EML5: variants seen among roughly 807,000 people sequenced by gnomAD.
EML5 encodes the protein echinoderm microtubule-associated protein-like 5.
EML5 carries 120 observed loss-of-function variants against 250.0 expected under a neutral mutation model. The observed-to-expected ratio is 0.48, with a 90% confidence interval of 0.41 to 0.56. EML5 has a LOEUF of 0.56. Ranked by LOEUF, EML5 falls within the 20% of genes least tolerant of loss-of-function variation. EML5 has a pLI of 0.00. For missense variants in EML5, 2,006 were observed against 2,437.6 expected (o/e 0.82, Z 3.73); for synonymous variants, 771 against 806.5 (o/e 0.96, Z 0.75).
intron 1 of EML5, among the ~76,000 whole-genome samples, chr14:88,769,873 A>G (rs2094369236): frequency 6.6e-6 from 1 of 151,906 alleles, no homozygotes; most frequent in African/African-American, 2.4e-5. Flanking sequence ...CTCATAATCT[A>G]TGGTCTATTT....
At chr14:88,790,113 T>C (rs2094590633) in intron 1 of EML5, among the ~76,000 whole-genome samples, 4 of 152,202 alleles carry the variant, frequency 2.6e-5, no homozygotes. Flanking sequence ...TCAATATATT[T>C]CACAAACATG....
intron 10 of EML5, among the ~76,000 whole-genome samples, chr14:88,709,292 C>A (rs1047204793): frequency 1.3e-5 from 2 of 151,836 alleles, no homozygotes. Flanking sequence ...CAAGAAAACA[C>A]ATCATTAAGA....
intron 10 of EML5, 123 bp downstream of exon 10, chr14:88,712,148 C>A: frequency 3.0e-6 from 2 of 661,408 alleles, no homozygotes; most frequent in South Asian, 4.4e-5. Context: ...AAAAATGAAA[C>A]CCTTCACCAA....
At chr14:88,693,763 CTTTTT>C (rs71127002) in intron 17 of EML5, among the ~76,000 whole-genome samples, 24 of 62,862 alleles carry the variant, frequency 3.8e-4, no homozygotes, top group African/African-American at 1.2e-3. Context: ...ATGTTAACAT[CTTTTT>C]TTTTTTTTTT....
intron 13 of EML5, among the ~76,000 whole-genome samples, chr14:88,703,766 T>C (rs978789040): frequency 2.6e-5 from 4 of 152,182 alleles, no homozygotes; most frequent in Non-Finnish European, 5.9e-5. Context: ...CCAGAACCCG[T>C]ATTTTGGTGA....
chr14:88,672,621 G>GA (rs560209404), intron 21 of EML5, among the ~76,000 whole-genome samples: 89 of 151,622 alleles, frequency 5.9e-4, no homozygotes, highest in Non-Finnish European at 1.0e-3. Context: ...GCCGGTTTTT[G>GA]AAAAAAATTA....
chr14:88,628,141 C>T (rs1026149032), intron 33 of EML5, among the ~76,000 whole-genome samples: 1 of 152,112 alleles, frequency 6.6e-6, no homozygotes, highest in Non-Finnish European at 1.5e-5. Context: ...TTTATGTATA[C>T]TTTTAATCTT....
chr14:88,664,306 A>G (rs1176865663), intron 23 of EML5, among the ~76,000 whole-genome samples, 187 bp downstream of exon 23: 1 of 151,710 alleles, frequency 6.6e-6, no homozygotes, highest in Non-Finnish European at 1.5e-5. Flanking sequence ...GAAAAAGGAA[A>G]AAGAAAAGTC....
intron 1 of EML5, among the ~76,000 whole-genome samples, chr14:88,763,740 C>T (rs933022810): frequency 4.6e-5 from 7 of 152,088 alleles, no homozygotes; most frequent in Admixed American, 2.0e-4. Flanking sequence ...TGATGAACAT[C>T]GATGCAAAAA....
chr14:88,731,136 T>C (rs563576426), intron 7 of EML5, among the ~76,000 whole-genome samples: 2 of 152,158 alleles, frequency 1.3e-5, no homozygotes, highest in Non-Finnish European at 2.9e-5. Context: ...TTGTCACATA[T>C]GTATACATGC....
chr14:88,697,090 C>T, intron 14 of EML5, 138 bp from the exon 15 acceptor site: 1 of 566,454 alleles, frequency 1.8e-6, no homozygotes, highest in Non-Finnish European at 2.8e-6. Context: ...TTAAAGCAAA[C>T]TATATAAGTG....
intron 21 of EML5, among the ~76,000 whole-genome samples, chr14:88,665,980 G>A (rs560827388): frequency 2.0e-4 from 31 of 152,036 alleles, no homozygotes; most frequent in African/African-American, 6.8e-4. Context: ...AAAAGGAGTC[G>A]AGATACAGAT....
rs777973257 is a variant in EML5 at position 88,634,520 on chromosome 14, C to T, written c.4337-31G>A. ...ATGGAAAATAATTATCTATAAATAA[C>T]ATAAATCTGTAAAATCTGTAAAAAC... On this transcript the variant is annotated intron_variant, in intron 32 of 43. Transcript: ENST00000554922. 7 of 1,329,336 alleles carry T rather than the reference C, an allele frequency of 5.3e-6. No individual in the cohort carries two copies. In the South Asian group the frequency reaches 8.1e-5, roughly 15 times the overall value. 82.3% of individuals were successfully genotyped at this position (1,329,336 alleles called of 1,614,324 possible). A position where few individuals can be genotyped will look rare whatever the true frequency, so the allele number is the denominator to read the frequency against.
chr14:88,756,314 A>T (rs1221568068), intron 1 of EML5, among the ~76,000 whole-genome samples: 1 of 152,238 alleles, frequency 6.6e-6, no homozygotes, highest in African/African-American at 2.4e-5. Context: ...CAATCCCTTC[A>T]TGATAAAAAC....
intron 21 of EML5, 140 bp from the exon 22 acceptor site, chr14:88,665,629 C>A: frequency 9.4e-7 from 1 of 1,066,014 alleles, no homozygotes; most frequent in Non-Finnish European, 1.3e-6. Context: ...GAGGTTAAGA[C>A]CAGCCCGGGC....
chr14:88,633,928 T>C (rs1020135523), intron 33 of EML5, among the ~76,000 whole-genome samples: 1 of 152,054 alleles, frequency 6.6e-6, no homozygotes, highest in Non-Finnish European at 1.5e-5. Context: ...ACCATTACTA[T>C]TACCACAGAT....
chr14:88,686,297 G>A (rs962966481), intron 19 of EML5, among the ~76,000 whole-genome samples: 3 of 152,020 alleles, frequency 2.0e-5, no homozygotes, highest in Non-Finnish European at 4.4e-5. Flanking sequence ...AGGAAGAAAT[G>A]CACTCAAAGA....
At position 88,782,855 on chromosome 14, in the gene EML5, G is replaced by A. The variant is rs566327051; in HGVS notation, c.197+9452C>T. On this transcript the variant is annotated intron_variant, in intron 1 of 43. Transcript: ENST00000554922. Reference sequence around the variant, plus strand: ...AGCACTTTGGGAGGCTGAGGTGGGTGGATCACCTGAGGTCAGGAGTTCAAG... The same window carrying A: ...AGCACTTTGGGAGGCTGAGGTGGGTAGATCACCTGAGGTCAGGAGTTCAAG... Among the ~76,000 whole-genome samples the A allele has an allele frequency of 2.3e-3, 345 of 152,294 alleles. 1 individual carries two copies. The highest frequency in any genetic ancestry group is 3.4e-3 in the Middle Eastern group (1 of 294).
At chr14:88,788,980 C>T (rs6575020) in intron 1 of EML5, among the ~76,000 whole-genome samples, 96,247 of 150,632 alleles carry the variant, frequency 0.64, 32,813 homozygotes, top group East Asian at 0.94. Flanking sequence ...GGATGATCAC[C>T]TGAGCCCAAG....
Sources: gnomAD v4.1 joint callset for allele counts (sites outside exome capture counted in the v4.1 genomes callset) on GRCh38, gnomAD v4.1.1 for gene constraint, MANE v1.5 for transcripts, NCBI Gene and HGNC (gene_info 2026-07-23, HGNC 2026-07-21) for gene names.